The following DPP6 variants were observed in gnomAD, a reference collection of about 807,000 sequenced individuals.
DPP6 encodes dipeptidyl peptidase like 6.
A neutral mutation model predicts 122.6 loss-of-function variants in DPP6; 69 were observed. The observed-to-expected ratio is 0.56, with a 90% confidence interval of 0.46 to 0.69. The LOEUF is 0.69. Among genes scored for constraint, DPP6 ranks in the 30% least tolerant of loss-of-function variants. The probability of loss-of-function intolerance (pLI) is 0.00; values close to 1 mark genes in which losing one functional copy is unlikely to be tolerated. For synonymous variants in DPP6, 418 were observed against 433.1 expected (o/e 0.97, Z 0.43); for missense variants, 928 against 1,116.9 (o/e 0.83, Z 2.41).
intron 3 of DPP6, among the ~76,000 whole-genome samples, chr7:154,484,166 T>C (rs907593390): frequency 6.6e-6 from 1 of 151,996 alleles, no homozygotes; most frequent in Non-Finnish European, 1.5e-5. Flanking sequence ...TGTTGCAGAC[T>C]ATAGTAGGGG....
rs565562563 is a variant in DPP6 at position 154,061,766 on chromosome 7, C to T, written c.243+8703C>T. 4.1e-4 allele frequency among the ~76,000 whole-genome samples: 44 copies of T among 107,774 alleles called. 1 individual carries two copies. The South Asian group carries it at 9.8e-3, about 24-fold the overall frequency. The allele number at this position is 107,774 out of a possible 152,430, so 70.7% of individuals were successfully genotyped here. On this transcript the variant is annotated intron_variant, in intron 1 of 25. Transcript: ENST00000377770. ...CCTTTCCTCCCCTGGCTCTTTGCAC[C>T]CCCATCGCAGGGAGGGAGGCACCCC...
chr7:154,236,773 C>T lies in DPP6; in HGVS notation c.243+183710C>T, dbSNP rs576743306. Among the ~76,000 whole-genome samples the T allele has an allele frequency of 2.6e-5, 4 of 152,266 alleles. No individual in the cohort carries two copies. In the South Asian group the frequency reaches 8.3e-4, roughly 32 times the overall value. On this transcript the variant is annotated intron_variant, in intron 1 of 25. Transcript: ENST00000377770. The stretch of plus-strand genomic sequence containing the variant: ...GGCCATATTAAATTGCTTTACATCC[C>T]TAATAACTTTGCTTTCTATTGTTCT...
chr7:154,049,912 G>C (rs1800213421), upstream of DPP6, among the ~76,000 whole-genome samples: 2 of 152,128 alleles, frequency 1.3e-5, no homozygotes, highest in Non-Finnish European at 2.9e-5. Context: ...GTCCCTAGAA[G>C]CACCGCGTTC....
chr7:154,747,822 G>A (rs533089153), intron 8 of DPP6, among the ~76,000 whole-genome samples: 1 of 152,216 alleles, frequency 6.6e-6, no homozygotes, highest in South Asian at 2.1e-4. Context: ...TTTCTGTACG[G>A]TGCATGGGAA....
chr7:153,924,840 A>G (rs775069732), intron 1 of DPP6, among the ~76,000 whole-genome samples: 3 of 152,176 alleles, frequency 2.0e-5, no homozygotes, highest in Non-Finnish European at 2.9e-5. Flanking sequence ...CCGTTGGTTC[A>G]GGGGGTAGCA....
chr7:154,059,966 G>C (rs940705462), intron 1 of DPP6, among the ~76,000 whole-genome samples: 2 of 152,106 alleles, frequency 1.3e-5, no homozygotes, highest in Admixed American at 6.5e-5. Flanking sequence ...TGTGATGGCT[G>C]AGATCCATCC....
At chr7:154,452,564 A>T (rs1182933516) in intron 2 of DPP6, among the ~76,000 whole-genome samples, 1 of 152,266 alleles carries the variant, frequency 6.6e-6, no homozygotes, top group African/African-American at 2.4e-5. Context: ...AAGTACTACC[A>T]GTCTTGTATT....
chr7:153,921,977 C>T (rs10267198), intron 1 of DPP6, among the ~76,000 whole-genome samples: 48,677 of 152,188 alleles, frequency 0.32, 8,469 homozygotes, highest in East Asian at 0.64. Flanking sequence ...GCCTCTCTGC[C>T]TACTGCATGG....
chr7:154,190,988 A>G (rs1340758062), intron 1 of DPP6, among the ~76,000 whole-genome samples: 1 of 152,256 alleles, frequency 6.6e-6, no homozygotes, highest in Non-Finnish European at 1.5e-5. Context: ...TGAAATATAA[A>G]TAAATTCTCA....
chr7:154,058,161 G>C (rs1280932231), intron 1 of DPP6: 38 of 144,140 alleles, frequency 2.6e-4, no homozygotes. Context: ...ACCATCGCAG[G>C]GGGGGAGGCA....
the DPP6 span, among the ~76,000 whole-genome samples, chr7:153,790,319 A>ATAAAT: frequency 1.9e-3 from 281 of 151,534 alleles, 3 homozygotes; most frequent in African/African-American, 6.4e-3. Context: ...GATGGGAAAA[A>ATAAAT]TAACTACTAA....
At chr7:153,808,502 C>T in the DPP6 span, among the ~76,000 whole-genome samples, 42 of 152,032 alleles carry the variant, frequency 2.8e-4, no homozygotes, top group East Asian at 5.8e-3. Context: ...ATTCCAAGTA[C>T]ACAATACAGT....
chr7:154,637,777 C>A, intron 5 of DPP6, 44 bp from the exon 6 acceptor site: 1 of 1,535,916 alleles, frequency 6.5e-7, no homozygotes, highest in Non-Finnish European at 8.8e-7. Flanking sequence ...ATCGTAACAG[C>A]CTTTGTCTCA....
chr7:154,394,494 T>TA (rs1814907753), intron 1 of DPP6, among the ~76,000 whole-genome samples: 1 of 151,654 alleles, frequency 6.6e-6, no homozygotes, highest in African/African-American at 2.4e-5. Context: ...CCTTATTACA[T>TA]ATATATATAT....
chr7:154,037,357 C>T (rs911177708), intron 1 of DPP6, among the ~76,000 whole-genome samples: 6 of 151,928 alleles, frequency 3.9e-5, no homozygotes, highest in African/African-American at 1.5e-4. Context: ...CCCAGGACCT[C>T]ATGGCAGCCT....
chr7:154,332,889 T>C (rs1001365312), intron 1 of DPP6, among the ~76,000 whole-genome samples: 4 of 152,188 alleles, frequency 2.6e-5, no homozygotes, highest in Non-Finnish European at 4.4e-5. Flanking sequence ...AGCACCATAA[T>C]TGGGAAAGAG....
chr7:154,700,951 C>T (rs1840489360), intron 7 of DPP6, among the ~76,000 whole-genome samples: 1 of 152,114 alleles, frequency 6.6e-6, no homozygotes. Flanking sequence ...CAGCCCTTGC[C>T]CAAGGGCTCA....
At chr7:154,775,894 G>A (rs1351878579) in intron 10 of DPP6, among the ~76,000 whole-genome samples, 1 of 152,084 alleles carries the variant, frequency 6.6e-6, no homozygotes, top group South Asian at 2.1e-4. Flanking sequence ...TCCCCATCAT[G>A]GTCCAGGGCA....
intron 1 of DPP6, among the ~76,000 whole-genome samples, chr7:153,911,832 C>G (rs1800104197): frequency 6.6e-6 from 1 of 151,748 alleles, no homozygotes; most frequent in Non-Finnish European, 1.5e-5. Flanking sequence ...AATAATTGTC[C>G]TGTTACATCT....
Sources: gnomAD v4.1 joint callset for allele counts (sites outside exome capture counted in the v4.1 genomes callset) on GRCh38, gnomAD v4.1.1 for gene constraint, MANE v1.5 for transcripts, NCBI Gene and HGNC (gene_info 2026-07-23, HGNC 2026-07-21) for gene names.